FREM2: variants seen among roughly 807,000 people sequenced by gnomAD.
FREM2 encodes FRAS1 related extracellular matrix 2.
A neutral mutation model predicts 219.9 loss-of-function variants in FREM2; 119 were observed. The observed-to-expected ratio is 0.54, with a 90% confidence interval of 0.47 to 0.63. FREM2 has a LOEUF of 0.63. Among genes scored for constraint, FREM2 ranks in the 30% least tolerant of loss-of-function variants. FREM2 has a pLI of 0.00. For synonymous variants in FREM2, 1,562 were observed against 1,522.8 expected (o/e 1.03, Z -0.60); for missense variants, 4,030 against 3,993.6 (o/e 1.01, Z -0.25).
chr13:38,689,507 G>A lies in FREM2; in HGVS notation c.2163G>A (p.Leu721=), dbSNP rs1365772880. 3 of 1,613,910 alleles carry A rather than the reference G, an allele frequency of 1.9e-6. No individual in the cohort carries two copies. The highest frequency in any genetic ancestry group is 1.7e-5 in the Admixed American group (1 of 60,000). The change falls in exon 1 of 24, where the codon CTG becomes CTA. Residue 721 remains leucine (L), a synonymous_variant. Transcript: ENST00000280481. Reference sequence around the variant, plus strand: ...TACAGGAATCCCAGCTCACACCACTGAGGAAGAAGTGGCTGCGCTACACTG... The same window carrying A: ...TACAGGAATCCCAGCTCACACCACTAAGGAAGAAGTGGCTGCGCTACACTG... The part of the protein sequence containing the change: ...MVVQESQLTP[L]RKKWLRYTDL...
intron 6 of FREM2, among the ~76,000 whole-genome samples, chr13:38,814,612 G>A (rs1364439809): frequency 2.0e-5 from 3 of 152,166 alleles, no homozygotes; most frequent in Non-Finnish European, 2.9e-5. Context: ...CCTGAAGCCT[G>A]TAAAGTACTG....
chr13:38,826,059 G>C (rs1315083946), intron 6 of FREM2, among the ~76,000 whole-genome samples: 3 of 152,082 alleles, frequency 2.0e-5, no homozygotes, highest in Non-Finnish European at 2.9e-5. Context: ...AGACAAGAAT[G>C]GTTTTCTAAC....
chr13:38,851,118 C>CT lies in FREM2; in HGVS notation c.6742+17dup. 2 of 1,612,488 alleles carry CT rather than the reference C, an allele frequency of 1.2e-6. No homozygotes were observed. Among genetic ancestry groups the CT allele is most frequent in the Non-Finnish European group, 1.7e-6 (2 of 1,179,698 alleles). On this transcript the variant is annotated intron_variant, in intron 10 of 23. Coordinates refer to ENST00000280481, the MANE Select transcript of FREM2 (RefSeq NM_207361.6). Reference sequence around the variant, plus strand: ...CGAGATGATGCTGATAGTAAGAAATCTTTTTTTGTTTGTTCAACTGTAAAT... The same window carrying CT: ...CGAGATGATGCTGATAGTAAGAAATCTTTTTTTTGTTTGTTCAACTGTAAAT...
At chr13:38,739,478 C>A (rs1426705863) in intron 2 of FREM2, among the ~76,000 whole-genome samples, 1 of 152,104 alleles carries the variant, frequency 6.6e-6, no homozygotes, top group Non-Finnish European at 1.5e-5. Flanking sequence ...GTTCCTGCCC[C>A]ATTCCAACAT....
At chr13:38,790,616 C>T (rs1431840192) in intron 6 of FREM2, among the ~76,000 whole-genome samples, 1 of 152,142 alleles carries the variant, frequency 6.6e-6, no homozygotes, top group African/African-American at 2.4e-5. Flanking sequence ...CATCAGTTCT[C>T]ATGTCAGGAA....
intron 6 of FREM2, among the ~76,000 whole-genome samples, chr13:38,799,491 T>A (rs1566146423): frequency 6.6e-6 from 1 of 152,034 alleles, no homozygotes; most frequent in African/African-American, 2.4e-5. Flanking sequence ...TGTTCTGTAG[T>A]CTAGTTTAAA....
At chr13:38,795,778 A>G (rs919478970) in intron 6 of FREM2, among the ~76,000 whole-genome samples, 1 of 152,074 alleles carries the variant, frequency 6.6e-6, no homozygotes, top group Non-Finnish European at 1.5e-5. Context: ...GGTATCTATC[A>G]TTCTATTCTC....
At chr13:38,759,120 C>T (rs185994852) in intron 2 of FREM2, among the ~76,000 whole-genome samples, 1 of 152,224 alleles carries the variant, frequency 6.6e-6, no homozygotes, top group African/African-American at 2.4e-5. Flanking sequence ...ATATAAATAT[C>T]TATATCTATT....
chr13:38,689,972 CAT>C lies in FREM2; in HGVS notation c.2629_2630del (p.Met877GlufsTer28). 6.2e-7 allele frequency: 1 copy of C among 1,614,152 alleles called. No homozygotes were observed. Among genetic ancestry groups the C allele is most frequent in the Non-Finnish European group, 8.5e-7 (1 of 1,180,022 alleles). On this transcript the variant is annotated frameshift_variant, in exon 1 of 24. Coordinates refer to ENST00000280481, the MANE Select transcript of FREM2 (RefSeq NM_207361.6). LOFTEE classifies it high-confidence loss of function. Reference sequence around the variant, plus strand: ...TCACTCAGGCACCCAAACATGGCCACATGAGAGTGTCTGGACAGATCCTGCAT... The same window carrying C: ...TCACTCAGGCACCCAAACATGGCCACGAGAGTGTCTGGACAGATCCTGCAT... ...TLTQAPKHGH[M>X]RVSGQILHVG...
intron 2 of FREM2, among the ~76,000 whole-genome samples, chr13:38,709,381 TATA>T (rs1304209961): frequency 2.6e-5 from 4 of 152,196 alleles, no homozygotes; most frequent in African/African-American, 9.7e-5. Context: ...TATTGATTTA[TATA>T]ATAATTTAAA....
At chr13:38,826,035 A>C (rs896531619) in intron 6 of FREM2, among the ~76,000 whole-genome samples, 2 of 152,152 alleles carry the variant, frequency 1.3e-5, no homozygotes, top group African/African-American at 4.8e-5. Context: ...CTCTTTAAAC[A>C]CAAACCATCT....
At chr13:38,785,094 T>C (rs1172994396) in intron 6 of FREM2, among the ~76,000 whole-genome samples, 3 of 152,206 alleles carry the variant, frequency 2.0e-5, no homozygotes, top group Non-Finnish European at 4.4e-5. Flanking sequence ...TGACATTTCA[T>C]GGTGAAGAAT....
At chr13:38,737,378 C>T (rs1268965950) in intron 2 of FREM2, among the ~76,000 whole-genome samples, 2 of 151,970 alleles carry the variant, frequency 1.3e-5, no homozygotes, top group African/African-American at 2.4e-5. Flanking sequence ...CTGAGACATC[C>T]AAAGGAAAGA....
At chr13:38,767,461 CACTT>C (rs1239078374) in intron 3 of FREM2, among the ~76,000 whole-genome samples, 2 of 152,182 alleles carry the variant, frequency 1.3e-5, no homozygotes, top group Admixed American at 6.5e-5. Flanking sequence ...CATTGTATCA[CACTT>C]ACTCAATTTT....
rs1241854402 is a variant in FREM2 at position 38,689,153 on chromosome 13, C to T, written c.1809C>T (p.Pro603=). The T allele has an allele frequency of 3.1e-6, 5 of 1,613,784 alleles. No homozygotes were observed. The highest frequency in any genetic ancestry group is 4.2e-6 in the Non-Finnish European group (5 of 1,180,028). ...TGCTGCTTTTTGTGCTGGAGTCACC[C>T]TTCTTAACTACGGGGCATCTGCTTC... The part of the protein sequence containing the change: ...DSLLLFVLES[P]FLTTGHLLLR... The change falls in exon 1 of 24, where the codon CCC becomes CCT. Residue 603 remains proline (P), a synonymous_variant. Coordinates refer to ENST00000280481, the MANE Select transcript of FREM2 (RefSeq NM_207361.6).
chr13:38,781,163 A>G (rs1045857704), intron 4 of FREM2, among the ~76,000 whole-genome samples: 7 of 151,900 alleles, frequency 4.6e-5, no homozygotes, highest in Non-Finnish European at 1.0e-4. Context: ...TTCTTGTCCA[A>G]TTTGCTTCAA....
chr13:38,798,863 TGTTG>T (rs1874895678), intron 6 of FREM2, among the ~76,000 whole-genome samples: 1 of 152,046 alleles, frequency 6.6e-6, no homozygotes, highest in Non-Finnish European at 1.5e-5. Context: ...TTCTATCTTT[TGTTG>T]GTTAGTATAT....
intron 2 of FREM2, among the ~76,000 whole-genome samples, chr13:38,726,670 C>G (rs1202048615): frequency 2.6e-5 from 4 of 152,076 alleles, no homozygotes; most frequent in Non-Finnish European, 5.9e-5. Context: ...AATATTATTT[C>G]TTTTTTGTTG....
chr13:38,753,693 G>C (rs1233244920), intron 2 of FREM2, among the ~76,000 whole-genome samples: 1 of 152,194 alleles, frequency 6.6e-6, no homozygotes, highest in Middle Eastern at 3.2e-3. Context: ...GTAAATGAGA[G>C]TTCATGTTGC....
Sources: allele counts gnomAD v4.1 joint callset (sites outside exome capture counted in the v4.1 genomes callset), GRCh38; gene constraint gnomAD v4.1.1; transcripts MANE v1.5; gene names NCBI Gene and HGNC (gene_info 2026-07-23, HGNC 2026-07-21).